IMMP2L: variants seen among roughly 807,000 people sequenced by gnomAD.
IMMP2L encodes the protein inner mitochondrial membrane peptidase subunit 2, also known as mitochondrial inner membrane protease subunit 2.
IMMP2L carries 18 observed loss-of-function variants against 19.3 expected under a neutral mutation model. The ratio of observed to expected loss-of-function variants is 0.93; its 90% CI spans 0.64 to 1.38. IMMP2L has a LOEUF of 1.38. IMMP2L is among the 40% of genes most tolerant of loss of function. The pLI, the probability that IMMP2L is intolerant of heterozygous loss-of-function variation, is 0.00. For synonymous variants in IMMP2L, 76 were observed against 73.0 expected (o/e 1.04, Z -0.21); for missense variants, 233 against 218.2 (o/e 1.07, Z -0.43).
intron 3 of IMMP2L, among the ~76,000 whole-genome samples, chr7:111,227,621 G>T (rs1213593883): frequency 6.6e-6 from 1 of 152,040 alleles, no homozygotes; most frequent in Non-Finnish European, 1.5e-5. Flanking sequence ...GACAAAAACT[G>T]AGGAGAAACA....
chr7:110,863,732 AATAT>A (rs2129543067), intron 5 of IMMP2L, among the ~76,000 whole-genome samples: 1 of 152,234 alleles, frequency 6.6e-6, no homozygotes, highest in South Asian at 2.1e-4. Flanking sequence ...TGAATACTTA[AATAT>A]TAAGTGCTAA....
intron 3 of IMMP2L, among the ~76,000 whole-genome samples, chr7:111,395,271 T>C (rs1044510684): frequency 6.6e-6 from 1 of 152,238 alleles, no homozygotes; most frequent in Non-Finnish European, 1.5e-5. Flanking sequence ...TTTTCTATTT[T>C]TTCTTCCACA....
intron 3 of IMMP2L, among the ~76,000 whole-genome samples, chr7:111,053,333 T>C (rs1793171365): frequency 6.6e-6 from 1 of 152,186 alleles, no homozygotes; most frequent in South Asian, 2.1e-4. Context: ...GAGGGGAGCA[T>C]GTGCAGTGTG....
chr7:111,556,067 G>C (rs1791319250), intron 1 of IMMP2L, among the ~76,000 whole-genome samples: 1 of 104,206 alleles, frequency 9.6e-6, no homozygotes, highest in Admixed American at 1.2e-4. Context: ...CCGCAACCTT[G>C]TAAAGATATC....
intron 3 of IMMP2L, among the ~76,000 whole-genome samples, chr7:111,355,083 T>C (rs1243677519): frequency 6.6e-6 from 1 of 151,860 alleles, no homozygotes; most frequent in Non-Finnish European, 1.5e-5. Flanking sequence ...AGCAGCAGCA[T>C]CCATGAATAA....
chr7:110,961,077 A>G (rs1188710975), intron 4 of IMMP2L, among the ~76,000 whole-genome samples: 1 of 151,916 alleles, frequency 6.6e-6, no homozygotes, highest in Admixed American at 6.6e-5. Context: ...TTCCTTATGC[A>G]TTGCTGGCAG....
At chr7:110,825,233 A>C (rs574368515) in intron 5 of IMMP2L, among the ~76,000 whole-genome samples, 1 of 152,296 alleles carries the variant, frequency 6.6e-6, no homozygotes, top group South Asian at 2.1e-4. Flanking sequence ...GATAGGAAGA[A>C]TCAATATCGT....
chr7:110,962,969 A>G, intron 4 of IMMP2L: 3 of 1,468,542 alleles, frequency 2.0e-6, no homozygotes, highest in Non-Finnish European at 1.8e-6. Context: ...AAGTACAATA[A>G]ATACGACATT....
chr7:110,796,347 A>G (rs1266331872), intron 5 of IMMP2L, among the ~76,000 whole-genome samples: 1 of 152,038 alleles, frequency 6.6e-6, no homozygotes, highest in Non-Finnish European at 1.5e-5. Context: ...AGGTAAAGAA[A>G]TGAGTTCAAG....
intron 1 of IMMP2L, among the ~76,000 whole-genome samples, chr7:111,557,640 T>C (rs747218060): frequency 3.3e-5 from 5 of 152,198 alleles, no homozygotes; most frequent in Admixed American, 6.5e-5. Context: ...TAGATTTCAT[T>C]TGTACTTGTA....
intron 4 of IMMP2L, among the ~76,000 whole-genome samples, chr7:110,914,722 C>G (rs1033994171): frequency 3.9e-5 from 6 of 152,120 alleles, no homozygotes; most frequent in African/African-American, 1.4e-4. Flanking sequence ...AAACTAAGTT[C>G]TTTCAGACAC....
At chr7:111,395,379 G>C (rs529684785) in intron 3 of IMMP2L, among the ~76,000 whole-genome samples, 103 of 152,078 alleles carry the variant, frequency 6.8e-4, no homozygotes, top group Non-Finnish European at 1.3e-3. Flanking sequence ...AAAAATTTTA[G>C]TCCAATTTTG....
At chr7:111,551,126 T>A (rs544148990) in intron 1 of IMMP2L, among the ~76,000 whole-genome samples, 1 of 152,300 alleles carries the variant, frequency 6.6e-6, no homozygotes, top group African/African-American at 2.4e-5. Flanking sequence ...TAACTAGAAC[T>A]TGATAATCTG....
At chr7:111,263,041 T>G (rs1817483562) in intron 3 of IMMP2L, among the ~76,000 whole-genome samples, 1 of 152,052 alleles carries the variant, frequency 6.6e-6, no homozygotes, top group African/African-American at 2.4e-5. Flanking sequence ...AAAAATGATT[T>G]CAGAGGCTTA....
Position 111,069,495 on chromosome 7 carries a change from C to T in IMMP2L, c.240-105930G>A, listed in dbSNP as rs528584068. 9.2e-5 allele frequency among the ~76,000 whole-genome samples: 14 copies of T among 152,112 alleles called. No homozygotes were observed. The South Asian group carries it at 2.5e-3, about 27-fold the overall frequency. ...TACCTAGGGTCTTTGAAAAGTAAAA[C>T]GTTCTGTTTCTAGGTAAAAAATATT... On this transcript the variant is annotated intron_variant, in intron 3 of 5. Transcript: ENST00000405709.
rs560049909 is a variant in IMMP2L, at chr7:111,204,236, CT to C, written c.240-240672del. ...TACTTTCACAAGCCCACATCGCTCA[CT>C]GATGCAAATGTCTCATGAGAGGCAT... On this transcript the variant is annotated intron_variant, in intron 3 of 5. Transcript: ENST00000405709. Among the ~76,000 whole-genome samples the C allele has an allele frequency of 1.4e-4, 22 of 152,252 alleles. No individual in the cohort carries two copies. The South Asian group carries it at 4.4e-3, about 30-fold the overall frequency.
At chr7:111,165,006 T>C (rs1158435904) in intron 3 of IMMP2L, among the ~76,000 whole-genome samples, 1 of 152,066 alleles carries the variant, frequency 6.6e-6, no homozygotes, top group Non-Finnish European at 1.5e-5. Flanking sequence ...ATCACCACCA[T>C]TCATATCCAG....
intron 5 of IMMP2L, among the ~76,000 whole-genome samples, chr7:110,845,315 C>G (rs1397817653): frequency 6.6e-6 from 1 of 152,052 alleles, no homozygotes; most frequent in Admixed American, 6.6e-5. Flanking sequence ...CCTGAGAGAG[C>G]TTTTGAGAAG....
chr7:111,441,878 C>G (rs1205527441), intron 3 of IMMP2L, among the ~76,000 whole-genome samples: 1 of 151,728 alleles, frequency 6.6e-6, no homozygotes, highest in Non-Finnish European at 1.5e-5. Flanking sequence ...GTGGCTCACA[C>G]CTGTAATCCC....
Sources: gnomAD v4.1 joint callset for allele counts (sites outside exome capture counted in the v4.1 genomes callset) on GRCh38, gnomAD v4.1.1 for gene constraint, MANE v1.5 for transcripts, NCBI Gene and HGNC (gene_info 2026-07-23, HGNC 2026-07-21) for gene names.